Variants in CNGB3 observed in about 807,000 individuals in gnomAD.
The protein encoded by CNGB3 is cyclic nucleotide gated channel subunit beta 3, also known as cyclic nucleotide-gated channel beta-3.
Under a neutral mutation model 92.8 loss-of-function variants are expected in CNGB3, and 86 were observed. That is an observed-to-expected ratio of 0.93 (90% CI 0.78 to 1.11). CNGB3 has a LOEUF of 1.11. CNGB3 is among the 50% of genes least tolerant of loss of function. The pLI is 0.00. For missense variants in CNGB3, 1,026 were observed against 956.8 expected, an observed-to-expected ratio of 1.07 and a Z score of -0.95; for synonymous variants, 333 against 332.7, an observed-to-expected ratio of 1.00 and a Z score of -0.01.
chr8:86,610,423 A>T (rs922720962), intron 14 of CNGB3, among the ~76,000 whole-genome samples: 23 of 150,152 alleles, frequency 1.5e-4, no homozygotes, highest in African/African-American at 5.8e-4. Flanking sequence ...CTTAGCTCAC[A>T]TTCTTTCCTC....
At chr8:86,738,265 G>C (rs1825280503) in intron 2 of CNGB3, among the ~76,000 whole-genome samples, 1 of 152,124 alleles carries the variant, frequency 6.6e-6, no homozygotes, top group Non-Finnish European at 1.5e-5. Flanking sequence ...GGTCTAGAAA[G>C]GGGGTCTGGG....
intron 13 of CNGB3, among the ~76,000 whole-genome samples, chr8:86,613,493 G>T (rs1240096906): frequency 6.6e-6 from 1 of 152,038 alleles, no homozygotes; most frequent in Non-Finnish European, 1.5e-5. Context: ...GAAAATTTGT[G>T]TCTTTGATAT....
intron 13 of CNGB3, among the ~76,000 whole-genome samples, chr8:86,618,582 C>T (rs1822662870): frequency 6.6e-6 from 1 of 152,156 alleles, no homozygotes; most frequent in African/African-American, 2.4e-5. Context: ...AGTAGCCCTC[C>T]ATGTCTGGCT....
chr8:86,730,486 G>A (rs1312761483), intron 2 of CNGB3, among the ~76,000 whole-genome samples: 1 of 152,144 alleles, frequency 6.6e-6, no homozygotes, highest in Non-Finnish European at 1.5e-5. Context: ...AAAGACATGT[G>A]GGTTCTGTCT....
rs1269306497 is a variant in CNGB3 at position 86,667,006 on chromosome 8, G to A, written c.771C>T (p.Asp257=). The part of the protein sequence containing the change: ...ADNIHYWLIA[D]IICDIIYLYD... ...AAAGGTAGATGATATCACATATGAT[G>A]TCCGCAATAAGCCAGTAGTGTATGT... is the stretch of plus-strand genomic sequence containing the variant. The change falls in exon 6 of 18, where the codon GAC becomes GAT. Residue 257 remains aspartate (D), a synonymous_variant. Transcript: ENST00000320005. 6.2e-7 allele frequency: 1 copy of A among 1,613,916 alleles called. No homozygotes were observed. The highest frequency in any genetic ancestry group is 1.7e-5 in the Admixed American group (1 of 60,004).
chr8:86,673,093 A>G (rs1823892683), intron 3 of CNGB3, among the ~76,000 whole-genome samples: 1 of 152,224 alleles, frequency 6.6e-6, no homozygotes, highest in Non-Finnish European at 1.5e-5. Flanking sequence ...TTGAGTTTCT[A>G]CTTTATGTAC....
At chr8:86,675,315 T>C (rs567394936) in intron 3 of CNGB3, among the ~76,000 whole-genome samples, 1 of 152,246 alleles carries the variant, frequency 6.6e-6, no homozygotes, top group South Asian at 2.1e-4. Context: ...TCAAGCAATC[T>C]TCCTGCCTTG....
intron 3 of CNGB3, among the ~76,000 whole-genome samples, chr8:86,716,444 G>GA (rs1222586089): frequency 6.6e-6 from 1 of 152,106 alleles, no homozygotes; most frequent in African/African-American, 2.4e-5. Flanking sequence ...CAAGATGAAG[G>GA]AAAAAATCTT....
chr8:86,730,328 G>A (rs1003995722), intron 2 of CNGB3, among the ~76,000 whole-genome samples: 6 of 152,124 alleles, frequency 3.9e-5, no homozygotes, highest in Non-Finnish European at 8.8e-5. Context: ...ACCTAATATG[G>A]GAATAAGGTT....
At chr8:86,611,488 T>C (rs577987584) in intron 14 of CNGB3, 100 bp downstream of exon 14, 2 of 873,428 alleles carry the variant, frequency 2.3e-6, no homozygotes, top group Admixed American at 3.5e-5. Flanking sequence ...ACTATGGAAT[T>C]CACCCTGAAC....
chr8:86,712,098 G>C (rs949124789), intron 3 of CNGB3, among the ~76,000 whole-genome samples: 1 of 151,838 alleles, frequency 6.6e-6, no homozygotes, highest in Non-Finnish European at 1.5e-5. Flanking sequence ...ACGGATGAAA[G>C]ATATCAATTT....
chr8:86,613,065 A>C (rs770469498), intron 13 of CNGB3, among the ~76,000 whole-genome samples: 1 of 152,200 alleles, frequency 6.6e-6, no homozygotes, highest in Non-Finnish European at 1.5e-5. Context: ...AGAGATGGGA[A>C]GCACCAGGAA....
chr8:86,729,639 A>G (rs1448250670), intron 2 of CNGB3, among the ~76,000 whole-genome samples: 1 of 152,224 alleles, frequency 6.6e-6, no homozygotes, highest in Non-Finnish European at 1.5e-5. Context: ...CAACTTAAAA[A>G]ACCCATGAGG....
At chr8:86,593,968 C>T (rs1167878487) in intron 15 of CNGB3, 7 of 481,306 alleles carry the variant, frequency 1.5e-5, no homozygotes, top group South Asian at 5.6e-5. Context: ...CCAGTGGGAG[C>T]GAGAACTTGT....
Position 86,653,886 on chromosome 8 carries a change from T to G in CNGB3, c.903+126A>C. 5 of 724,992 alleles carry G rather than the reference T, an allele frequency of 6.9e-6. No homozygotes were observed. In the South Asian group the frequency reaches 7.8e-5, roughly 11 times the overall value. 44.9% of individuals were successfully genotyped at this position (724,992 alleles called of 1,614,324 possible). A position where few individuals can be genotyped will look rare whatever the true frequency, so the allele number is the denominator to read the frequency against. ...AGGTAATTATTGAGAGGCAGAAACTTCAGGCTTATCATTGTCTAATAAAAC... is the reference window on the plus strand; with the variant it reads ...AGGTAATTATTGAGAGGCAGAAACTGCAGGCTTATCATTGTCTAATAAAAC... On this transcript the variant is annotated intron_variant, in intron 7 of 17. Transcript: ENST00000320005.
At position 86,578,833 on chromosome 8, in the gene CNGB3, T is replaced by C; in HGVS notation, c.1959A>G (p.Ala653=). Reference sequence around the variant, plus strand: ...GATCTTTTCTTGGAGGGGTTGCTTCTGCGGTCTTAGCCTTCTGCTTTAAAA... The same window carrying C: ...GATCTTTTCTTGGAGGGGTTGCTTCCGCGGTCTTAGCCTTCTGCTTTAAAA... ...RVLLKQKAKT[A]EATPPRKDLA... The change falls in exon 17 of 18, where the codon GCA becomes GCG. Residue 653 remains alanine (A), a synonymous_variant. Transcript: ENST00000320005. The C allele has an allele frequency of 6.2e-7, 1 of 1,614,248 alleles. No individual in the cohort carries two copies. The highest frequency in any genetic ancestry group is 8.5e-7 in the Non-Finnish European group (1 of 1,180,046).
At chr8:86,740,995 T>C (rs1825331036) in intron 1 of CNGB3, among the ~76,000 whole-genome samples, 1 of 152,198 alleles carries the variant, frequency 6.6e-6, no homozygotes, top group African/African-American at 2.4e-5. Flanking sequence ...AAGAGTGTCT[T>C]CTTCTGGGGT....
chr8:86,659,239 C>T (rs1187858364), intron 6 of CNGB3: 3 of 752,234 alleles, frequency 4.0e-6, no homozygotes, highest in Non-Finnish European at 7.3e-6. Context: ...TTCAGATTTT[C>T]AGTATATTGG....
intron 14 of CNGB3, among the ~76,000 whole-genome samples, chr8:86,609,279 G>C: frequency 6.6e-6 from 1 of 152,154 alleles, no homozygotes; most frequent in Non-Finnish European, 1.5e-5. Context: ...ATGTTGTGGT[G>C]CATTAAAGTC....
Sources: allele counts gnomAD v4.1 joint callset (sites outside exome capture counted in the v4.1 genomes callset), GRCh38; gene constraint gnomAD v4.1.1; transcripts MANE v1.5; gene names NCBI Gene and HGNC (gene_info 2026-07-23, HGNC 2026-07-21).